ANGPT1: variants seen among roughly 807,000 people sequenced by gnomAD.
The protein encoded by ANGPT1 is angiopoietin-1.
In ANGPT1, 17 loss-of-function variants were observed where a neutral mutation model predicts 62.2. The observed-to-expected ratio is 0.27, with a 90% confidence interval of 0.19 to 0.41. The LOEUF (loss-of-function observed/expected upper bound fraction) is 0.41. Among genes scored for constraint, ANGPT1 ranks in the 10% least tolerant of loss-of-function variants. The pLI is 1.00. For missense variants in ANGPT1, 478 were observed against 594.9 expected (o/e 0.80, Z 2.04); for synonymous variants, 199 against 198.9 (o/e 1.00, Z 0.00).
chr8:107,489,287 A>C (rs1292415974), intron 1 of ANGPT1, among the ~76,000 whole-genome samples: 1 of 152,178 alleles, frequency 6.6e-6, no homozygotes, highest in Non-Finnish European at 1.5e-5. Flanking sequence ...TACTTCAGAC[A>C]CACCTCAATG....
intron 1 of ANGPT1, among the ~76,000 whole-genome samples, chr8:107,396,107 G>A (rs985448592): frequency 1.3e-5 from 2 of 152,184 alleles, no homozygotes; most frequent in African/African-American, 4.8e-5. Flanking sequence ...TCTTTTGATA[G>A]TGATAGAGCT....
At chr8:107,336,310 C>G (rs763366144) in intron 2 of ANGPT1, 39 bp from the exon 3 acceptor site, 1 of 1,547,906 alleles carries the variant, frequency 6.5e-7, no homozygotes, top group African/African-American at 1.4e-5. Flanking sequence ...ACTTCAGTCA[C>G]GAATCAAAGA....
intron 7 of ANGPT1, among the ~76,000 whole-genome samples, chr8:107,269,377 T>G (rs906400063): frequency 1.3e-5 from 2 of 152,080 alleles, no homozygotes; most frequent in Admixed American, 1.3e-4. Context: ...TTTTTAACAC[T>G]GGTTCTGGCT....
chr8:107,437,803 T>C (rs1335311163), intron 1 of ANGPT1, among the ~76,000 whole-genome samples: 2 of 151,936 alleles, frequency 1.3e-5, no homozygotes, highest in East Asian at 3.9e-4. Context: ...TATCTTTTCA[T>C]CTTGGACTAA....
intron 1 of ANGPT1, among the ~76,000 whole-genome samples, chr8:107,396,774 C>T (rs1027456787): frequency 7.2e-5 from 11 of 151,996 alleles, no homozygotes; most frequent in African/African-American, 2.7e-4. Context: ...CCTCCCACCA[C>T]GACCCCCTAA....
rs543403997 is a variant in ANGPT1, at chr8:107,448,219, C to T, written c.297+49043G>A. On this transcript the variant is annotated intron_variant, in intron 1 of 8. Coordinates refer to ENST00000517746, the MANE Select transcript of ANGPT1 (RefSeq NM_001146.5). ...CTTACTTAAATACATTTTATCATTT[C>T]AGTGATTCTTAACTAAATTGTTCAA... Among the ~76,000 whole-genome samples, 5 of 152,290 alleles carry T rather than the reference C, an allele frequency of 3.3e-5. No individual in the cohort carries two copies. The East Asian group carries it at 9.6e-4, about 29-fold the overall frequency.
rs539203601 is a variant in ANGPT1, at chr8:107,276,854, C to T, written c.1205+7828G>A. ...AAGATCTTGGCCAAAAACAAACTTG[C>T]GCAAAAAGATATTTAATGACCAAAT... is the stretch of plus-strand genomic sequence containing the variant. On this transcript the variant is annotated intron_variant, in intron 7 of 8. Coordinates refer to ENST00000517746, the MANE Select transcript of ANGPT1 (RefSeq NM_001146.5). Among the ~76,000 whole-genome samples the T allele has an allele frequency of 2.6e-4, 40 of 152,182 alleles. 1 individual carries two copies. The highest frequency in any genetic ancestry group is 4.6e-4 in the Non-Finnish European group (31 of 67,992).
At chr8:107,412,745 G>A (rs549309857) in intron 1 of ANGPT1, among the ~76,000 whole-genome samples, 22 of 152,174 alleles carry the variant, frequency 1.4e-4, no homozygotes, top group Admixed American at 2.6e-4. Flanking sequence ...TATGATGAGT[G>A]TTGTGTTGCT....
intron 1 of ANGPT1, among the ~76,000 whole-genome samples, chr8:107,363,218 C>A (rs1287871487): frequency 6.6e-6 from 1 of 151,466 alleles, no homozygotes; most frequent in Non-Finnish European, 1.5e-5. Context: ...TCAAAAGTTT[C>A]TTGTAATGAT....
intron 1 of ANGPT1, among the ~76,000 whole-genome samples, chr8:107,415,408 G>T (rs1030517909): frequency 6.6e-6 from 1 of 152,120 alleles, no homozygotes; most frequent in Non-Finnish European, 1.5e-5. Flanking sequence ...TTTATAAAAT[G>T]AACCTGAAAC....
chr8:107,497,264 T>C lies in ANGPT1; in HGVS notation c.295A>G (p.Lys99Glu). Residue 99 changes from lysine to glutamate, a missense_variant and splice_region_variant, in exon 1 of 9, where the codon AAA becomes GAA. By Grantham distance (56) the Lys-to-Glu change is moderately conservative. Coordinates refer to ENST00000517746, the MANE Select transcript of ANGPT1 (RefSeq NM_001146.5). ...VMENYTQWLQ[K>E]LENYIVENMK... Reference sequence around the variant, plus strand: ...AGAAACTGAAAGCAATCACTTACTTTTTGCAGCCACTGAGTATAATTTTCC... The same window carrying C: ...AGAAACTGAAAGCAATCACTTACTTCTTGCAGCCACTGAGTATAATTTTCC... The C allele has an allele frequency of 6.2e-7, 1 of 1,613,146 alleles. No homozygotes were observed. The highest frequency in any genetic ancestry group is 8.5e-7 in the Non-Finnish European group (1 of 1,179,302).
intron 1 of ANGPT1, among the ~76,000 whole-genome samples, chr8:107,405,263 G>T (rs1469247897): frequency 6.6e-6 from 1 of 151,626 alleles, no homozygotes; most frequent in Non-Finnish European, 1.5e-5. Flanking sequence ...TATATAGGAG[G>T]TATTTGTTTA....
chr8:107,317,121 T>C (rs1215244725), intron 4 of ANGPT1, among the ~76,000 whole-genome samples: 1 of 152,230 alleles, frequency 6.6e-6, no homozygotes, highest in Admixed American at 6.5e-5. Context: ...TGAGCTTTGC[T>C]CGGGTCCAGG....
chr8:107,316,532 G>A (rs1471698467), intron 4 of ANGPT1, among the ~76,000 whole-genome samples: 9 of 152,054 alleles, frequency 5.9e-5, no homozygotes, highest in African/African-American at 1.4e-4. Flanking sequence ...TTATAATAAC[G>A]GTAAAAGCAC....
chr8:107,264,385 C>T (rs1813566832), intron 7 of ANGPT1, 34 bp from the exon 8 acceptor site: 1 of 1,604,032 alleles, frequency 6.2e-7, no homozygotes, highest in Non-Finnish European at 8.5e-7. Context: ...AAAGATAAGC[C>T]ATTCGACAGA....
chr8:107,305,124 T>A (rs1045290872), intron 4 of ANGPT1, among the ~76,000 whole-genome samples: 3 of 151,900 alleles, frequency 2.0e-5, no homozygotes, highest in Non-Finnish European at 2.9e-5. Flanking sequence ...CAAAAAAAAA[T>A]TTTAAATCCC....
intron 1 of ANGPT1, among the ~76,000 whole-genome samples, chr8:107,387,606 T>G (rs1816755670): frequency 6.6e-6 from 1 of 151,728 alleles, no homozygotes; most frequent in African/African-American, 2.4e-5. Flanking sequence ...GTACTATTTA[T>G]TTTTGCTCAA....
chr8:107,304,719 A>T (rs973303355), intron 4 of ANGPT1, among the ~76,000 whole-genome samples: 1 of 151,906 alleles, frequency 6.6e-6, no homozygotes, highest in African/African-American at 2.4e-5. Context: ...ATTTCAAGAA[A>T]ATGAAATATT....
chr8:107,347,540 C>T (rs974631033), intron 1 of ANGPT1, among the ~76,000 whole-genome samples: 14 of 152,098 alleles, frequency 9.2e-5, no homozygotes, highest in Admixed American at 2.6e-4. Flanking sequence ...CTGATTTTTC[C>T]GTTACACCAT....
Sources: gnomAD v4.1 joint callset for allele counts (sites outside exome capture counted in the v4.1 genomes callset) on GRCh38, gnomAD v4.1.1 for gene constraint, MANE v1.5 for transcripts, NCBI Gene and HGNC (gene_info 2026-07-23, HGNC 2026-07-21) for gene names.